Variants in CACNA1G observed in about 807,000 individuals in gnomAD.
CACNA1G encodes voltage-dependent T-type calcium channel subunit alpha-1G.
Under a neutral mutation model 219.4 loss-of-function variants are expected in CACNA1G, and 67 were observed. The observed-to-expected ratio is 0.31, with a 90% CI of 0.25 to 0.37. CACNA1G has a LOEUF of 0.37. CACNA1G is among the 10% of genes least tolerant of loss of function. CACNA1G has a pLI of 1.00. For missense variants in CACNA1G, 2,380 were observed against 3,231.4 expected (o/e 0.74, Z 6.39); for synonymous variants, 1,296 against 1,345.3 (o/e 0.96, Z 0.80).
chr17:50,619,550 A>T, intron 33 of CACNA1G, 133 bp from the exon 34 acceptor site: 5 of 665,530 alleles, frequency 7.5e-6, no homozygotes, highest in Non-Finnish European at 1.2e-5. Flanking sequence ...GCACATGTGC[A>T]TGTGTGTTGT....
In CACNA1G at chr17:50,599,848, G is replaced by C; in HGVS notation, c.3679G>C (p.Glu1227Gln). 1.9e-6 allele frequency: 3 copies of C among 1,606,820 alleles called. No homozygotes were observed. Among genetic ancestry groups the C allele is most frequent in the Non-Finnish European group, 2.5e-6 (3 of 1,179,316 alleles). The change falls in exon 17 of 38, where the codon GAG becomes CAG. Residue 1227 changes from glutamate to glutamine, a missense_variant. Around this residue, in one of 17 missense-constraint regions of CACNA1G, gnomAD observed 418 missense variants for 434.3 expected, o/e 0.96. Coordinates refer to ENST00000359106, the MANE Select transcript of CACNA1G (RefSeq NM_018896.5). ...PPLDGDDADDEGNLSKGERVR... is the reference protein window; with the variant it reads ...PPLDGDDADDQGNLSKGERVR... ...ACTGGATGGGGATGACGCCGATGAC[G>C]AGGGCAACCTGGTGAGGCCCCTGTG...
rs1419683821 is a variant in CACNA1G at position 50,624,128 on chromosome 17, G to T, written c.6229+53G>T. 80 of 1,579,860 alleles carry T rather than the reference G, an allele frequency of 5.1e-5. 1 individual carries two copies. Among genetic ancestry groups the T allele is most frequent in the Non-Finnish European group, 6.3e-5 (73 of 1,155,858 alleles). On this transcript the variant is annotated intron_variant, in intron 36 of 37. Coordinates refer to ENST00000359106, the MANE Select transcript of CACNA1G (RefSeq NM_018896.5). ...GCTCACACAGGGAGATTCCATCCTGGCCTAAGCCAGTCCTGATCTGAGGGG... is the reference window on the plus strand; with the variant it reads ...GCTCACACAGGGAGATTCCATCCTGTCCTAAGCCAGTCCTGATCTGAGGGG...
chr17:50,595,402 C>T (rs1433635183), intron 14 of CACNA1G, among the ~76,000 whole-genome samples: 1 of 152,206 alleles, frequency 6.6e-6, no homozygotes, highest in Non-Finnish European at 1.5e-5. Flanking sequence ...GCTGAGGTCC[C>T]GGAGGAGTCC....
At chr17:50,591,666 G>C (rs1372477813) in intron 11 of CACNA1G, 46 bp downstream of exon 11, 1 of 1,608,552 alleles carries the variant, frequency 6.2e-7, no homozygotes, top group Non-Finnish European at 8.5e-7. Context: ...CGGCCAGGCT[G>C]GGGGCAGGAG....
At chr17:50,605,485 A>T (rs1229821777) in intron 22 of CACNA1G, among the ~76,000 whole-genome samples, 1 of 152,182 alleles carries the variant, frequency 6.6e-6, no homozygotes, top group Non-Finnish European at 1.5e-5. Flanking sequence ...TTTGCGTCAG[A>T]ATCACCAGAA....
Position 50,617,533 on chromosome 17 carries a change from C to T in CACNA1G, c.5117C>T (p.Thr1706Ile). 2 of 1,614,058 alleles carry T rather than the reference C, an allele frequency of 1.2e-6. No homozygotes were observed. The highest frequency in any genetic ancestry group is 8.5e-7 in the Non-Finnish European group (1 of 1,179,908). ...AACGCCTCGCTGCCCATCAACCCCA[C>T]CATCATCCGCATCATGAGGGTGCTG... Reference protein sequence around the residue: ...EVNASLPINPTIIRIMRVLRI... With the variant: ...EVNASLPINPIIIRIMRVLRI... The change falls in exon 29 of 38, where the codon ACC becomes ATC. Residue 1706 changes from threonine to isoleucine, a missense_variant. Transcript: ENST00000359106. This position sits in a 1 kb window ranked among gnomAD's most constrained non-coding sequence, Gnocchi z 5.8.
In CACNA1G at chr17:50,626,768, C is replaced by T. The variant is rs377250015; in HGVS notation, c.*17C>T. On this transcript the variant is annotated 3_prime_UTR_variant, in exon 38 of 38. Transcript: ENST00000359106. The surrounding 1 kb of genome is among the most constrained non-coding windows in gnomAD (Gnocchi z 4.3). ...GACCCCTGAGTCCTGCCCCACTTTC[C>T]CACTCACCTTTCTCCACTGGGTGCC... 6.2e-7 allele frequency: 1 copy of T among 1,612,992 alleles called. No homozygotes were observed. Among genetic ancestry groups the T allele is most frequent in the Non-Finnish European group, 8.5e-7 (1 of 1,179,868 alleles).
At chr17:50,590,184 C>A (rs1598355565) in intron 9 of CACNA1G, among the ~76,000 whole-genome samples, 1 of 152,244 alleles carries the variant, frequency 6.6e-6, no homozygotes, top group South Asian at 2.1e-4. Context: ...GGAGATAGGG[C>A]GGAACCCACA....
chr17:50,597,498 C>T (rs967470389), intron 16 of CACNA1G, among the ~76,000 whole-genome samples: 7 of 152,104 alleles, frequency 4.6e-5, no homozygotes, highest in South Asian at 2.1e-4. Context: ...TTTTAAATTT[C>T]GCTTTTAATT....
chr17:50,612,404 C>T (rs574728823), intron 26 of CACNA1G, among the ~76,000 whole-genome samples: 6 of 152,362 alleles, frequency 3.9e-5, no homozygotes, highest in Admixed American at 2.6e-4. Context: ...AGGGAGGGAC[C>T]GGGGCTGCTG....
chr17:50,604,036 T>C lies in CACNA1G; in HGVS notation c.4170-119T>C, dbSNP rs947916465. 8 of 1,025,764 alleles carry C rather than the reference T, an allele frequency of 7.8e-6. No homozygotes were observed. The African/African-American group carries it at 9.6e-5, about 12-fold the overall frequency. The allele number at this position is 1,025,764 out of a possible 1,614,324, so 63.5% of individuals were successfully genotyped here. A position where few individuals can be genotyped will look rare whatever the true frequency, so the allele number is the denominator to read the frequency against. On this transcript the variant is annotated intron_variant, in intron 21 of 37. Transcript: ENST00000359106. Reference sequence around the variant, plus strand: ...TCCCATGAAAAGAGGACTTGTGTTCTGCCACCAGAGGCCAGGAAGGGACCA... The same window carrying C: ...TCCCATGAAAAGAGGACTTGTGTTCCGCCACCAGAGGCCAGGAAGGGACCA...
chr17:50,620,617 G>A (rs539704081), intron 34 of CACNA1G, among the ~76,000 whole-genome samples: 6 of 152,328 alleles, frequency 3.9e-5, no homozygotes, highest in East Asian at 3.9e-4. Flanking sequence ...CTGCAGACCC[G>A]GAGTGGAGAC....
rs772107682 is a variant in CACNA1G at position 50,617,752 on chromosome 17, C to G, written c.5156-107C>G. 2.1e-6 allele frequency: 3 copies of G among 1,439,032 alleles called. No homozygotes were observed. Among genetic ancestry groups the G allele is most frequent in the Non-Finnish European group, 2.9e-6 (3 of 1,046,350 alleles). The allele number at this position is 1,439,032 out of a possible 1,614,324, so 89.1% of individuals were successfully genotyped here. On this transcript the variant is annotated intron_variant, in intron 29 of 37. Transcript: ENST00000359106. This position sits in a 1 kb window ranked among gnomAD's most constrained non-coding sequence, Gnocchi z 5.8. ...GGATGGGGATGCAACCTGGCTGGCC[C>G]GGAGATGGCCATCCCAGCAGCCCCA...
At chr17:50,563,894 G>A (rs992519361) in intron 1 of CACNA1G, 15 of 152,258 alleles carry the variant, frequency 9.9e-5, no homozygotes, top group Admixed American at 3.9e-4. Context: ...TGCTGCCAGA[G>A]GGGCTCTGAA....
At chr17:50,595,324 C>T (rs983954288) in intron 14 of CACNA1G, among the ~76,000 whole-genome samples, 10 of 152,182 alleles carry the variant, frequency 6.6e-5, no homozygotes, top group Non-Finnish European at 1.0e-4. Context: ...GTGGATGGGC[C>T]GGAGAAGGAA....
intron 19 of CACNA1G, 105 bp from the exon 20 acceptor site, chr17:50,602,715 C>A: frequency 1.0e-6 from 1 of 970,754 alleles, no homozygotes. Context: ...GGGTCGTTTT[C>A]TGAGTCAAAT....
At chr17:50,572,101 G>T (rs1443342688) in intron 5 of CACNA1G, 64 bp downstream of exon 5, 1 of 1,528,454 alleles carries the variant, frequency 6.5e-7, no homozygotes, top group Non-Finnish European at 8.9e-7. Context: ...ACCCCCCCAA[G>T]TTCCTCACTT....
Position 50,578,049 on chromosome 17 carries a change from AC to A in CACNA1G, c.1925-135del. 1 of 961,044 alleles carries A rather than the reference AC, an allele frequency of 1.0e-6. No homozygotes were observed. The highest frequency in any genetic ancestry group is 1.5e-6 in the Non-Finnish European group (1 of 682,064). The allele number at this position is 961,044 out of a possible 1,614,324, so 59.5% of individuals were successfully genotyped here. A position where few individuals can be genotyped will look rare whatever the true frequency, so the allele number is the denominator to read the frequency against. On this transcript the variant is annotated intron_variant, in intron 8 of 37. Coordinates refer to ENST00000359106, the MANE Select transcript of CACNA1G (RefSeq NM_018896.5). This position sits in a 1 kb window ranked among gnomAD's most constrained non-coding sequence, Gnocchi z 4.5. ...CTGCCCACCTTGCCTGACATTCAGCACCCCTGGCCCACTAAGTGCCTAGCAC... is the reference window on the plus strand; with the variant it reads ...CTGCCCACCTTGCCTGACATTCAGCACCCTGGCCCACTAAGTGCCTAGCAC...
chr17:50,593,072 T>C (rs888716253), intron 13 of CACNA1G, among the ~76,000 whole-genome samples: 2 of 152,176 alleles, frequency 1.3e-5, no homozygotes, highest in African/African-American at 4.8e-5. Flanking sequence ...TTATCCGTTA[T>C]CGCATTTCCT....
Sources: allele counts gnomAD v4.1 joint callset (sites outside exome capture counted in the v4.1 genomes callset), GRCh38; gene constraint gnomAD v4.1.1; regional missense constraint gnomAD v4.1.1; non-coding constraint Gnocchi (gnomAD v3.1); transcripts MANE v1.5; gene names NCBI Gene and HGNC (gene_info 2026-07-23, HGNC 2026-07-21).